MTPN: variants seen among roughly 807,000 people sequenced by gnomAD.
The protein encoded by MTPN is granule cell differentiation protein.
In MTPN, 2 loss-of-function variants were observed where a neutral mutation model predicts 13.5. That is an observed-to-expected ratio of 0.15 (90% CI 0.06 to 0.47). MTPN has a LOEUF of 0.47. MTPN is among the 20% of genes least tolerant of loss of function. The pLI is 0.97. For synonymous variants in MTPN, 46 were observed against 51.7 expected (o/e 0.89, Z 0.48); for missense variants, 79 against 137.9 (o/e 0.57, Z 2.14).
rs376023217 is a variant in MTPN at position 135,950,590 on chromosome 7, T to C, written c.270+9A>G. ...TAGAAAAAGCAATACTATTAGCAATTGACCTCACCTTTGACAGAAGCAATT... is the reference window on the plus strand; with the variant it reads ...TAGAAAAAGCAATACTATTAGCAATCGACCTCACCTTTGACAGAAGCAATT... On this transcript the variant is annotated intron_variant, in intron 3 of 3. Coordinates refer to ENST00000393085, the MANE Select transcript of MTPN (RefSeq NM_145808.4). 2 of 1,598,570 alleles carry C rather than the reference T, an allele frequency of 1.3e-6. No individual in the cohort carries two copies.
Position 135,929,925 on chromosome 7 carries a change from A to T in MTPN, c.*1T>A, listed in dbSNP as rs1664670045. 6.2e-7 allele frequency: 1 copy of T among 1,613,808 alleles called. No individual in the cohort carries two copies. The highest frequency in any genetic ancestry group is 1.3e-5 in the African/African-American group (1 of 74,902). ...TCCGGAGTTATCAGTCCATCCATCC[A>T]TCACTGGAGAAGAGCTTTGATTGCC... is the stretch of plus-strand genomic sequence containing the variant. On this transcript the variant is annotated 3_prime_UTR_variant, in exon 4 of 4. Transcript: ENST00000393085.
At chr7:135,953,761 T>TA (rs938007382) in intron 1 of MTPN, among the ~76,000 whole-genome samples, 1 of 152,110 alleles carries the variant, frequency 6.6e-6, no homozygotes, top group Non-Finnish European at 1.5e-5. Flanking sequence ...CAAATATATA[T>TA]TTTTTTGGAG....
intron 1 of MTPN, among the ~76,000 whole-genome samples, chr7:135,975,315 T>TA (rs1293413787): frequency 1.3e-5 from 2 of 152,358 alleles, no homozygotes; most frequent in East Asian, 3.9e-4. Flanking sequence ...CTTGGTATGA[T>TA]ACGCTTTCAC....
Position 135,951,649 on chromosome 7 carries a change from GA to G in MTPN, c.73-20del, listed in dbSNP as rs1265403590. On this transcript the variant is annotated intron_variant, in intron 1 of 3. Transcript: ENST00000393085. Reference sequence around the variant, plus strand: ...CTTCTCCCTGATAAGAAAACCAAATGAAAACAATATTTATATGAATGGAAGA... The same window carrying G: ...CTTCTCCCTGATAAGAAAACCAAATGAAACAATATTTATATGAATGGAAGA... The G allele has an allele frequency of 6.5e-7, 1 of 1,544,226 alleles. No individual in the cohort carries two copies. Among genetic ancestry groups the G allele is most frequent in the African/African-American group, 1.4e-5 (1 of 73,302 alleles).
chr7:135,960,532 G>C (rs73722966), intron 1 of MTPN, among the ~76,000 whole-genome samples: 3,514 of 151,706 alleles, frequency 0.023, 151 homozygotes, highest in African/African-American at 0.08. Context: ...CCCCTTTAAA[G>C]GATAGGTAAC....
chr7:135,960,244 G>A (rs1217177508), intron 1 of MTPN, among the ~76,000 whole-genome samples: 1 of 152,118 alleles, frequency 6.6e-6, no homozygotes, highest in African/African-American at 2.4e-5. Context: ...AAAAGGAGAT[G>A]TAAGGGGTCT....
At chr7:135,939,052 C>T (rs1361925639) in intron 3 of MTPN, among the ~76,000 whole-genome samples, 1 of 151,872 alleles carries the variant, frequency 6.6e-6, no homozygotes, top group African/African-American at 2.4e-5. Context: ...ACTCTGCCTT[C>T]CCTCTAGAAA....
At chr7:135,940,005 A>T (rs1450120435) in intron 3 of MTPN, among the ~76,000 whole-genome samples, 1 of 152,196 alleles carries the variant, frequency 6.6e-6, no homozygotes, top group African/African-American at 2.4e-5. Context: ...ATCTTGTCTA[A>T]GTATGTACTA....
chr7:135,966,252 C>G (rs1799601951), intron 1 of MTPN, among the ~76,000 whole-genome samples: 1 of 152,100 alleles, frequency 6.6e-6, no homozygotes, highest in African/African-American at 2.4e-5. Flanking sequence ...TAAACCTAAC[C>G]TGCCATCACA....
rs559161753 is a variant in MTPN, at chr7:135,929,467, G to A, written c.*459C>T. On this transcript the variant is annotated 3_prime_UTR_variant, in exon 4 of 4. Coordinates refer to ENST00000393085, the MANE Select transcript of MTPN (RefSeq NM_145808.4). The stretch of plus-strand genomic sequence containing the variant: ...CCCAGTAGAGTGCATTCTTAAGGCA[G>A]AAGGCTAGAGCTAATTGCTTATCTC... 1.4e-4 allele frequency: 24 copies of A among 173,290 alleles called. No homozygotes were observed. The allele number at this position is 173,290 out of a possible 1,614,324, so 10.7% of individuals were successfully genotyped here.
At chr7:135,953,361 A>G (rs139210017) in intron 1 of MTPN, among the ~76,000 whole-genome samples, 2 of 152,090 alleles carry the variant, frequency 1.3e-5, no homozygotes, top group African/African-American at 4.8e-5. Flanking sequence ...AGTAGAAATT[A>G]TATGTTTTCT....
intron 1 of MTPN, among the ~76,000 whole-genome samples, chr7:135,975,269 C>A (rs1799756143): frequency 6.6e-6 from 1 of 152,138 alleles, no homozygotes; most frequent in African/African-American, 2.4e-5. Context: ...AATTTACCTG[C>A]CTGAATGTGG....
intron 1 of MTPN, among the ~76,000 whole-genome samples, chr7:135,964,049 T>C (rs1799568559): frequency 6.6e-6 from 1 of 151,998 alleles, no homozygotes; most frequent in Admixed American, 6.6e-5. Context: ...TAAAACATTA[T>C]AATATGTCAA....
chr7:135,962,726 G>A (rs1799544270), intron 1 of MTPN, among the ~76,000 whole-genome samples: 1 of 151,818 alleles, frequency 6.6e-6, no homozygotes, highest in Admixed American at 6.6e-5. Context: ...CCACAGTGTG[G>A]CTTGGTGGGG....
chr7:135,975,902 G>GT (rs1381175334), intron 1 of MTPN, among the ~76,000 whole-genome samples: 3 of 152,224 alleles, frequency 2.0e-5, no homozygotes, highest in African/African-American at 2.4e-5. Context: ...GCACAATCCT[G>GT]TAAGTTTTAA....
At chr7:135,945,584 T>C (rs936901277) in intron 3 of MTPN, among the ~76,000 whole-genome samples, 6 of 152,196 alleles carry the variant, frequency 3.9e-5, no homozygotes, top group African/African-American at 1.4e-4. Context: ...TCCACCTCCA[T>C]ATCTTGTCCC....
At chr7:135,934,059 G>A (rs1280044113) in intron 3 of MTPN, among the ~76,000 whole-genome samples, 1 of 152,018 alleles carries the variant, frequency 6.6e-6, no homozygotes, top group Non-Finnish European at 1.5e-5. Context: ...CTTGTACAGC[G>A]TGAGGAACTG....
intron 3 of MTPN, among the ~76,000 whole-genome samples, chr7:135,943,627 T>C (rs1799245558): frequency 6.6e-6 from 1 of 152,212 alleles, no homozygotes; most frequent in Non-Finnish European, 1.5e-5. Context: ...GAGTATACCT[T>C]TGTTCTCAAG....
chr7:135,973,778 A>AT (rs963846238), intron 1 of MTPN, among the ~76,000 whole-genome samples: 9 of 151,970 alleles, frequency 5.9e-5, no homozygotes, highest in African/African-American at 1.9e-4. Context: ...AAAAGTATGA[A>AT]TTTTTTTTCA....
Sources: gnomAD v4.1 joint callset for allele counts (sites outside exome capture counted in the v4.1 genomes callset) on GRCh38, gnomAD v4.1.1 for gene constraint, MANE v1.5 for transcripts, NCBI Gene and HGNC (gene_info 2026-07-23, HGNC 2026-07-21) for gene names.